The following SGPP2 variants were observed in gnomAD, a reference collection of about 807,000 sequenced individuals.
The protein encoded by SGPP2 is sphingosine-1-phosphate phosphatase 2.
A neutral mutation model predicts 33.9 loss-of-function variants in SGPP2; 30 were observed. That is an observed-to-expected ratio of 0.89 (90% CI 0.66 to 1.20). The LOEUF (loss-of-function observed/expected upper bound fraction) is 1.20. SGPP2 is among the 50% of genes most tolerant of loss of function. The pLI is 0.00. For missense variants in SGPP2, 458 were observed against 532.1 expected (o/e 0.86, Z 1.37); for synonymous variants, 233 against 225.0 (o/e 1.04, Z -0.32).
intron 1 of SGPP2, among the ~76,000 whole-genome samples, chr2:222,425,141 C>T (rs978400143): frequency 6.6e-6 from 1 of 152,224 alleles, no homozygotes; most frequent in African/African-American, 2.4e-5. Flanking sequence ...CGTAATGGAA[C>T]GGAGGAGCGG....
Position 222,532,274 on chromosome 2 carries a change from C to CAAAAAAGAA in SGPP2, c.648+7253_648+7261dup, listed in dbSNP as rs368183429. On this transcript the variant is annotated intron_variant, in intron 4 of 4. Coordinates refer to ENST00000321276, the MANE Select transcript of SGPP2 (RefSeq NM_152386.4). ...GGGCAACAAGAGTGAAACTCTGTCT[C>CAAAAAAGAA]AAAAAAGAAAAAAAAGAAAAGAAAA... is the stretch of plus-strand genomic sequence containing the variant. Among the ~76,000 whole-genome samples the CAAAAAAGAA allele has an allele frequency of 9.5e-3, 1,369 of 143,860 alleles. 14 individuals are homozygous for CAAAAAAGAA. Among genetic ancestry groups the CAAAAAAGAA allele is most frequent in the African/African-American group, 0.034 (1,301 of 38,776 alleles). 94.4% of individuals were successfully genotyped at this position (143,860 alleles called of 152,430 possible).
At chr2:222,438,007 G>A (rs1184281815) in intron 1 of SGPP2, among the ~76,000 whole-genome samples, 2 of 152,160 alleles carry the variant, frequency 1.3e-5, no homozygotes, top group African/African-American at 2.4e-5. Flanking sequence ...GCCTGGACCT[G>A]TTGCAGAGCC....
chr2:222,438,295 TG>T (rs1489401040), intron 1 of SGPP2, among the ~76,000 whole-genome samples: 1 of 152,372 alleles, frequency 6.6e-6, no homozygotes, highest in East Asian at 1.9e-4. Context: ...TCCCATCCTC[TG>T]GCACGCAAAT....
Position 222,558,648 on chromosome 2 carries a change from C to T in SGPP2, c.950C>T (p.Thr317Ile). ...LPVIQNIPPL[T>I]TYMLVLGLTK... ...GTTATTCAGAACATCCCACCACTCA[C>T]CACCTACATGTTAGTTTTGGGTCTG... Residue 317 changes from threonine to isoleucine, a missense_variant, in exon 5 of 5, where the codon ACC (threonine) becomes ATC (isoleucine). Coordinates refer to ENST00000321276, the MANE Select transcript of SGPP2 (RefSeq NM_152386.4). 1 of 1,614,178 alleles carries T rather than the reference C, an allele frequency of 6.2e-7. No homozygotes were observed. Among genetic ancestry groups the T allele is most frequent in the Non-Finnish European group, 8.5e-7 (1 of 1,180,026 alleles).
At chr2:222,469,418 C>T (rs1215979403) in intron 1 of SGPP2, among the ~76,000 whole-genome samples, 1 of 152,164 alleles carries the variant, frequency 6.6e-6, no homozygotes, top group African/African-American at 2.4e-5. Context: ...CTCCTGACCT[C>T]GTGATCTACC....
Position 222,561,303 on chromosome 2 carries a change from G to C in SGPP2, c.*2405G>C, listed in dbSNP as rs1269774320. The stretch of plus-strand genomic sequence containing the variant: ...CTCCCAGCCTTCATCTGCCCCTGCA[G>C]AGCAGTGGCTGTCAGCCGGATGCGG... On this transcript the variant is annotated 3_prime_UTR_variant, in exon 5 of 5. Coordinates refer to ENST00000321276, the MANE Select transcript of SGPP2 (RefSeq NM_152386.4). Among the ~76,000 whole-genome samples, 1 of 152,060 alleles carries C rather than the reference G, an allele frequency of 6.6e-6. No individual in the cohort carries two copies. Among genetic ancestry groups the C allele is most frequent in the African/African-American group, 2.4e-5 (1 of 41,418 alleles).
intron 4 of SGPP2, among the ~76,000 whole-genome samples, chr2:222,544,459 A>G (rs1437568597): frequency 1.3e-5 from 2 of 152,232 alleles, no homozygotes; most frequent in Non-Finnish European, 2.9e-5. Context: ...CATGGTTATG[A>G]AAATCCACAG....
chr2:222,523,212 A>C (rs1392615534), intron 3 of SGPP2, among the ~76,000 whole-genome samples: 2 of 152,238 alleles, frequency 1.3e-5, no homozygotes, highest in Non-Finnish European at 2.9e-5. Flanking sequence ...CTGTTACATA[A>C]GAAAGGGACA....
At chr2:222,555,985 C>G (rs1164915764) in intron 4 of SGPP2, among the ~76,000 whole-genome samples, 1 of 152,178 alleles carries the variant, frequency 6.6e-6, no homozygotes, top group African/African-American at 2.4e-5. Flanking sequence ...ATTGGCCTAC[C>G]TAGGTCATGT....
chr2:222,551,172 C>G (rs1574892300), intron 4 of SGPP2, among the ~76,000 whole-genome samples: 1 of 152,254 alleles, frequency 6.6e-6, no homozygotes, highest in East Asian at 1.9e-4. Context: ...ACTCTTTCCT[C>G]TCTTCTCCCT....
At chr2:222,438,946 G>A (rs11686246) in intron 1 of SGPP2, among the ~76,000 whole-genome samples, 117,207 of 152,176 alleles carry the variant, frequency 0.77, 45,288 homozygotes, top group Middle Eastern at 0.9. Context: ...GGGTTCTGCC[G>A]GCTGCTAAGT....
intron 1 of SGPP2, among the ~76,000 whole-genome samples, chr2:222,455,132 G>A (rs562024610): frequency 1.5e-4 from 23 of 152,090 alleles, no homozygotes; most frequent in African/African-American, 5.3e-4. Context: ...CTACTTGGGA[G>A]GCCAAGGCGG....
chr2:222,497,206 C>A (rs1230602446), intron 2 of SGPP2, among the ~76,000 whole-genome samples: 1 of 151,602 alleles, frequency 6.6e-6, no homozygotes, highest in Non-Finnish European at 1.5e-5. Context: ...AAACCAGAAA[C>A]CAACTTTATT....
At chr2:222,426,150 C>T (rs998703236) in intron 1 of SGPP2, among the ~76,000 whole-genome samples, 1 of 129,016 alleles carries the variant, frequency 7.8e-6, no homozygotes, top group African/African-American at 3.0e-5. Flanking sequence ...GCGGAGGTTG[C>T]AGTGAGCCAA....
intron 4 of SGPP2, among the ~76,000 whole-genome samples, chr2:222,527,890 C>T (rs1237737163): frequency 6.6e-6 from 1 of 152,138 alleles, no homozygotes; most frequent in Non-Finnish European, 1.5e-5. Context: ...TTAATCAGCT[C>T]CTACAGGCCC....
At chr2:222,508,195 G>A (rs1422551069) in intron 2 of SGPP2, among the ~76,000 whole-genome samples, 6 of 152,136 alleles carry the variant, frequency 3.9e-5, no homozygotes, top group Admixed American at 2.0e-4. Context: ...ATTGAGCTCC[G>A]GATGGATCTA....
chr2:222,440,571 G>A (rs1012968477), intron 1 of SGPP2, among the ~76,000 whole-genome samples: 6 of 152,016 alleles, frequency 3.9e-5, no homozygotes, highest in Admixed American at 3.9e-4. Context: ...TCAAACTCCT[G>A]ACCTTGTGAT....
intron 2 of SGPP2, among the ~76,000 whole-genome samples, chr2:222,505,004 C>T (rs1433818091): frequency 6.6e-6 from 1 of 152,208 alleles, no homozygotes; most frequent in Non-Finnish European, 1.5e-5. Context: ...ACAAGTTGTT[C>T]AAAGCCATTT....
intron 2 of SGPP2, among the ~76,000 whole-genome samples, chr2:222,494,534 C>G (rs1483686743): frequency 6.6e-6 from 1 of 152,232 alleles, no homozygotes; most frequent in Non-Finnish European, 1.5e-5. Flanking sequence ...GCCCAACTTG[C>G]ACTTGTGTCT....
Sources: allele counts gnomAD v4.1 joint callset (sites outside exome capture counted in the v4.1 genomes callset), GRCh38; gene constraint gnomAD v4.1.1; transcripts MANE v1.5; gene names NCBI Gene and HGNC (gene_info 2026-07-23, HGNC 2026-07-21).